Variants in CACNA1A observed in about 807,000 individuals in gnomAD.
The protein encoded by CACNA1A is voltage-dependent P/Q-type calcium channel subunit alpha-1A.
CACNA1A carries 57 observed loss-of-function variants against 262.4 expected under a neutral mutation model. The ratio of observed to expected loss-of-function variants is 0.22; its 90% CI spans 0.18 to 0.27. CACNA1A has a LOEUF of 0.27. CACNA1A is among the 10% of genes least tolerant of loss of function. The probability of loss-of-function intolerance (pLI) is 1.00; values close to 1 mark genes in which losing one functional copy is unlikely to be tolerated. For missense variants in CACNA1A, 2,526 were observed against 3,562.8 expected (o/e 0.71, Z 7.41); for synonymous variants, 1,431 against 1,419.3 (o/e 1.01, Z -0.18).
chr19:13,413,101 TTTTTTTTTTTTG>T (rs891994259), intron 3 of CACNA1A, among the ~76,000 whole-genome samples: 6 of 55,178 alleles, frequency 1.1e-4, no homozygotes, highest in Admixed American at 3.3e-4. Flanking sequence ...AAGTTTTTTG[TTTTTTTTTTTTG>T]TTTTTTTTTT....
intron 3 of CACNA1A, chr19:13,450,722 G>C (rs2060901141): frequency 6.6e-6 from 1 of 152,234 alleles, no homozygotes; most frequent in African/African-American, 2.4e-5. Context: ...GATCTTGCTA[G>C]GTTACCCAAG....
intron 1 of CACNA1A, among the ~76,000 whole-genome samples, chr19:13,491,687 AGGG>A (rs1980901919): frequency 6.6e-6 from 1 of 152,162 alleles, no homozygotes; most frequent in African/African-American, 2.4e-5. Context: ...GGGCTGTCTA[AGGG>A]CCAGGTGTGG....
intron 1 of CACNA1A, among the ~76,000 whole-genome samples, chr19:13,487,470 A>G (rs985052455): frequency 6.6e-6 from 1 of 152,122 alleles, no homozygotes; most frequent in East Asian, 1.9e-4. Flanking sequence ...ACAGAAGATT[A>G]GTAGTTGCCA....
At chr19:13,233,999 G>A (rs2055765254) in intron 34 of CACNA1A, among the ~76,000 whole-genome samples, 1 of 147,988 alleles carries the variant, frequency 6.8e-6, no homozygotes, top group East Asian at 2.0e-4. Context: ...GCAGTGAGCC[G>A]AGATGGCGCC....
chr19:13,207,451 G>C lies in CACNA1A; in HGVS notation c.7383C>G (p.Ala2461=). The C allele has an allele frequency of 6.6e-7, 1 of 1,504,182 alleles. No individual in the cohort carries two copies. Among genetic ancestry groups the C allele is most frequent in the South Asian group, 1.2e-5 (1 of 82,666 alleles). 93.2% of individuals were successfully genotyped at this position (1,504,182 alleles called of 1,614,324 possible). Residue 2461 remains alanine, a synonymous_variant, in exon 47 of 47, where the codon GCC becomes GCG. Coordinates refer to ENST00000360228, the MANE Select transcript of CACNA1A (RefSeq NM_001127222.2). This position sits in a 1 kb window ranked among gnomAD's most constrained non-coding sequence, Gnocchi z 5.7. Reference sequence around the variant, plus strand: ...GGCCGTGCCGAGAAGGCGAGGCGCAGGCCGGGCCCGAGGCCCGGGGAGTCC... The same window carrying C: ...GGCCGTGCCGAGAAGGCGAGGCGCACGCCGGGCCCGAGGCCCGGGGAGTCC... ...SPRTPRASGP[A]CASPSRHGRR...
In CACNA1A at chr19:13,214,900, G is replaced by A. The variant is rs538182770; in HGVS notation, c.5732-292C>T. ...GTCCCAATCTTGTCTCCCAGTTATC[G>A]GCTGCATGACTTAGGTTACTCTACC... On this transcript the variant is annotated intron_variant, in intron 38 of 46. Coordinates refer to ENST00000360228, the MANE Select transcript of CACNA1A (RefSeq NM_001127222.2). This position sits in a 1 kb window ranked among gnomAD's most constrained non-coding sequence, Gnocchi z 4.1. The A allele has an allele frequency of 4.7e-5, 21 of 445,610 alleles. No homozygotes were observed. Among genetic ancestry groups the A allele is most frequent in the Middle Eastern group, 1.2e-3 (2 of 1,674 alleles). The allele number at this position is 445,610 out of a possible 1,614,324, so 27.6% of individuals were successfully genotyped here. A position where few individuals can be genotyped will look rare whatever the true frequency, so the allele number is the denominator to read the frequency against.
chr19:13,242,700 CCTT>C (rs983192813), intron 31 of CACNA1A, among the ~76,000 whole-genome samples: 4 of 152,328 alleles, frequency 2.6e-5, no homozygotes, highest in African/African-American at 9.6e-5. Context: ...TGGCACCCCT[CCTT>C]CTCGTTCTGT....
In CACNA1A at chr19:13,300,317, A is replaced by AT. The variant is rs60111064; in HGVS notation, c.2279+232dup. ...GCTAGAATGGCTACACACAGGTGGG[A>AT]TTTTTTTTTTCCTCCTTGTTAATGC... On this transcript the variant is annotated intron_variant, in intron 18 of 46. Coordinates refer to ENST00000360228, the MANE Select transcript of CACNA1A (RefSeq NM_001127222.2). Among the ~76,000 whole-genome samples, 4,225 of 151,018 alleles carry AT rather than the reference A, an allele frequency of 0.028. 195 individuals carry two copies. Among genetic ancestry groups the AT allele is most frequent in the African/African-American group, 0.095 (3,909 of 41,102 alleles).
chr19:13,263,104 T>C (rs1168520401), intron 24 of CACNA1A: 4 of 452,680 alleles, frequency 8.8e-6, no homozygotes, highest in South Asian at 4.7e-5. Context: ...AGCAGCTGTA[T>C]TGGGTGTCCC....
At chr19:13,424,344 G>T (rs1200044767) in intron 3 of CACNA1A, among the ~76,000 whole-genome samples, 1 of 152,114 alleles carries the variant, frequency 6.6e-6, no homozygotes, top group African/African-American at 2.4e-5. Context: ...ACTCCAGCCT[G>T]GGCAACAAGA....
chr19:13,375,929 G>C (rs140815357), intron 3 of CACNA1A, among the ~76,000 whole-genome samples: 16 of 152,332 alleles, frequency 1.1e-4, no homozygotes, highest in Middle Eastern at 6.8e-3. Context: ...CAGGCTTCTT[G>C]CTGACATGGA....
chr19:13,417,843 T>C (rs531285598), intron 3 of CACNA1A, among the ~76,000 whole-genome samples: 12 of 148,558 alleles, frequency 8.1e-5, no homozygotes, highest in South Asian at 4.3e-4. Flanking sequence ...TGAGCTAAGA[T>C]TGCACTACTG....
intron 3 of CACNA1A, among the ~76,000 whole-genome samples, chr19:13,419,264 G>A (rs2060276383): frequency 6.6e-6 from 1 of 152,222 alleles, no homozygotes; most frequent in African/African-American, 2.4e-5. Flanking sequence ...CAGCCTAGGT[G>A]CAATAGGGTA....
At chr19:13,256,942 C>A (rs2056588569) in intron 28 of CACNA1A, 1 of 161,286 alleles carries the variant, frequency 6.2e-6, no homozygotes, top group Admixed American at 6.1e-5. Flanking sequence ...GCCTGAAGAA[C>A]TGAACCTCAG....
At position 13,368,804 on chromosome 19, in the gene CACNA1A, C is replaced by A. The variant is rs1053120775; in HGVS notation, c.631+2884G>T. ...CTGTAATCCCAGCACTTTGGGAGGC[C>A]GAGGCGGGCGGATCACGAGGTCAGG... On this transcript the variant is annotated intron_variant, in intron 4 of 46. Transcript: ENST00000360228. Among the ~76,000 whole-genome samples the A allele has an allele frequency of 3.2e-4, 41 of 129,088 alleles. 3 individuals are homozygous for A. The highest frequency in any genetic ancestry group is 1.4e-3 in the Admixed American group (19 of 13,294). The allele number at this position is 129,088 out of a possible 152,430, so 84.7% of individuals were successfully genotyped here.
intron 3 of CACNA1A, among the ~76,000 whole-genome samples, chr19:13,407,968 TC>T (rs56969617): frequency 0.07 from 10,676 of 151,852 alleles, 861 homozygotes; most frequent in African/African-American, 0.19. Context: ...TTTGTAGCAC[TC>T]CCCCCCTCAC....
chr19:13,317,400 G>A, intron 10 of CACNA1A, 79 bp from the exon 11 acceptor site: 1 of 1,221,644 alleles, frequency 8.2e-7, no homozygotes, highest in Admixed American at 2.1e-5. Context: ...CCCAAGCACA[G>A]ATTTTAGCCA....
chr19:13,234,485 C>T (rs569435649), intron 34 of CACNA1A, among the ~76,000 whole-genome samples: 7 of 151,520 alleles, frequency 4.6e-5, no homozygotes, highest in East Asian at 3.9e-4. Flanking sequence ...TCTTATTTGT[C>T]GGATAGGGCT....
chr19:13,207,563 C>G lies in CACNA1A; in HGVS notation c.7271G>C (p.Gly2424Ala). The G allele has an allele frequency of 6.8e-7, 1 of 1,468,400 alleles. No individual in the cohort carries two copies. The highest frequency in any genetic ancestry group is 9.0e-7 in the Non-Finnish European group (1 of 1,109,472). The allele number at this position is 1,468,400 out of a possible 1,614,324, so 91.0% of individuals were successfully genotyped here. The change falls in exon 47 of 47, where the codon GGG becomes GCG. Residue 2424 changes from glycine (G) to alanine (A), a missense_variant. Transcript: ENST00000360228. The surrounding 1 kb of genome is among the most constrained non-coding windows in gnomAD (Gnocchi z 5.7). The stretch of plus-strand genomic sequence containing the variant: ...CCCGGCCATGGCCTCCTCGCCGCCC[C>G]CGCTGCCCGGGCCATCGGCCTCGTC... ...DYDEADGPGS[G>A]GGEEAMAGAY...
Sources: gnomAD v4.1 joint callset for allele counts (sites outside exome capture counted in the v4.1 genomes callset) on GRCh38, gnomAD v4.1.1 for gene constraint, Gnocchi (gnomAD v3.1) non-coding constraint, MANE v1.5 for transcripts, NCBI Gene and HGNC (gene_info 2026-07-23, HGNC 2026-07-21) for gene names.